Variants in KRT83 observed in about 807,000 individuals in gnomAD.
The protein encoded by KRT83 is keratin 83, also known as keratin, type II cuticular Hb3.
KRT83 carries 51 observed loss-of-function variants against 52.9 expected under a neutral mutation model. The ratio of observed to expected loss-of-function variants is 0.96; its 90% CI spans 0.77 to 1.22. KRT83 has a LOEUF of 1.22. KRT83 is among the 50% of genes most tolerant of loss of function. The pLI, the probability that KRT83 is intolerant of heterozygous loss-of-function variation, is 0.00. For missense variants in KRT83, 654 were observed against 666.5 expected, an observed-to-expected ratio of 0.98 and a Z score of 0.21; for synonymous variants, 278 against 274.1, an observed-to-expected ratio of 1.01 and a Z score of -0.14.
intron 3 of KRT83, 52 bp from the exon 4 acceptor site, chr12:52,317,828 G>A (rs1938710940): frequency 6.2e-7 from 1 of 1,612,530 alleles, no homozygotes; most frequent in Non-Finnish European, 8.5e-7. Flanking sequence ...AGGGCTCTGA[G>A]GACCTGGCTG....
intron 1 of KRT83, among the ~76,000 whole-genome samples, chr12:52,320,382 A>G (rs1017248208): frequency 1.3e-5 from 2 of 152,176 alleles, no homozygotes; most frequent in East Asian, 1.9e-4. Context: ...GATGGTTTCA[A>G]CCAAACCCAG....
chr12:52,320,595 A>C (rs926882721), intron 1 of KRT83, among the ~76,000 whole-genome samples: 1 of 152,200 alleles, frequency 6.6e-6, no homozygotes, highest in Admixed American at 6.5e-5. Flanking sequence ...CACCACACTT[A>C]TTAGCCCTGC....
chr12:52,315,466 G>A lies in KRT83; in HGVS notation c.1263-123C>T, dbSNP rs1938671731. The A allele has an allele frequency of 4.7e-6, 5 of 1,074,648 alleles. No individual in the cohort carries two copies. The East Asian group carries it at 7.2e-5, about 15-fold the overall frequency. 66.6% of individuals were successfully genotyped at this position (1,074,648 alleles called of 1,614,324 possible). On this transcript the variant is annotated intron_variant, in intron 7 of 8. Coordinates refer to ENST00000293670, the MANE Select transcript of KRT83 (RefSeq NM_002282.3). ...TTCTGACCTACATTTATTCCCTTGTGCAGCTTAGAAAAAGTTGCCTTTCTG... is the reference window on the plus strand; with the variant it reads ...TTCTGACCTACATTTATTCCCTTGTACAGCTTAGAAAAAGTTGCCTTTCTG...
At chr12:52,314,863 T>A in intron 8 of KRT83, 45 bp from the exon 9 acceptor site, 1 of 1,519,758 alleles carries the variant, frequency 6.6e-7, no homozygotes, top group African/African-American at 1.4e-5. Context: ...CTGATGGCCA[T>A]CCCATCCAGC....
chr12:52,320,117 G>A (rs1938746921), intron 1 of KRT83, among the ~76,000 whole-genome samples: 1 of 152,194 alleles, frequency 6.6e-6, no homozygotes, highest in Non-Finnish European at 1.5e-5. Flanking sequence ...ACCCTTGGTA[G>A]GTCCTATCTT....
intron 2 of KRT83, among the ~76,000 whole-genome samples, chr12:52,318,424 G>A (rs1938721318): frequency 6.6e-6 from 1 of 151,966 alleles, no homozygotes; most frequent in South Asian, 2.1e-4. Context: ...GGGAGTGGGA[G>A]GTGCTGTTTT....
At chr12:52,315,512 TC>T (rs1480240812) in intron 7 of KRT83, among the ~76,000 whole-genome samples, 169 bp from the exon 8 acceptor site, 3 of 152,246 alleles carry the variant, frequency 2.0e-5, no homozygotes, top group Non-Finnish European at 2.9e-5. Context: ...CAACGTCAGG[TC>T]ACACTATTTA....
At position 52,316,414 on chromosome 12, in the gene KRT83, C is replaced by T. The variant is rs55722266; in HGVS notation, c.1041+54G>A. Reference sequence around the variant, plus strand: ...CAGAATCTAACTCAAATCCCTCTGCCGAGGGCTAACCCCAGTCTCTTCCTA... The same window carrying T: ...CAGAATCTAACTCAAATCCCTCTGCTGAGGGCTAACCCCAGTCTCTTCCTA... On this transcript the variant is annotated intron_variant, in intron 6 of 8. Coordinates refer to ENST00000293670, the MANE Select transcript of KRT83 (RefSeq NM_002282.3). The T allele has an allele frequency of 0.41, 659,262 of 1,610,752 alleles. 137,659 individuals carry two copies. Among genetic ancestry groups the T allele is most frequent in the African/African-American group, 0.49 (36,460 of 74,820 alleles).
At chr12:52,319,086 A>G in intron 2 of KRT83, 70 bp downstream of exon 2, 2 of 1,607,086 alleles carry the variant, frequency 1.2e-6, no homozygotes, top group South Asian at 2.2e-5. Context: ...CAGACTGGAT[A>G]CTCCTCCGGG....
chr12:52,317,047 G>A (rs1938699617), intron 4 of KRT83, 24 bp from the exon 5 acceptor site: 1 of 1,614,068 alleles, frequency 6.2e-7, no homozygotes, highest in Non-Finnish European at 8.5e-7. Context: ...GGAAAGGAAG[G>A]ACAACTCACT....
Position 52,317,591 on chromosome 12 carries a change from G to T in KRT83, c.750+90C>A, listed in dbSNP as rs2277384. The T allele has an allele frequency of 7.8e-5, 109 of 1,399,772 alleles. 3 individuals are homozygous for T. The South Asian group carries it at 1.1e-3, about 15-fold the overall frequency. 86.7% of individuals were successfully genotyped at this position (1,399,772 alleles called of 1,614,324 possible). A position where few individuals can be genotyped will look rare whatever the true frequency, so the allele number is the denominator to read the frequency against. On this transcript the variant is annotated intron_variant, in intron 4 of 8. Coordinates refer to ENST00000293670, the MANE Select transcript of KRT83 (RefSeq NM_002282.3). The stretch of plus-strand genomic sequence containing the variant: ...GCCGTGAGCCTGGGTTCATATGTCA[G>T]CAGGCCTGGTTCATGCCTGTGGGTG...
rs1565753972 is a variant in KRT83 at position 52,314,635 on chromosome 12, TG to T, written c.1477del (p.His493IlefsTer38). On this transcript the variant is annotated frameshift_variant, in exon 9 of 9. Transcript: ENST00000293670. LOFTEE classifies it high-confidence loss of function. Reference protein sequence around the residue: ...CGGGSCGQGRH With the variant: ...CGGGSCGQGRX ...CCTGGCTCTCTTTTGGGCCACTTAATGCCTCCCCTGGCCGCAGGAGCCCCCT... is the reference window on the plus strand; with the variant it reads ...CCTGGCTCTCTTTTGGGCCACTTAATCCTCCCCTGGCCGCAGGAGCCCCCT... 1.3e-6 allele frequency: 2 copies of T among 1,563,860 alleles called. No individual in the cohort carries two copies. Among genetic ancestry groups the T allele is most frequent in the Non-Finnish European group, 1.7e-6 (2 of 1,154,226 alleles).
rs1368735575 is a variant in KRT83, at chr12:52,316,512, T to G, written c.997A>C (p.Met333Leu). ...TKEEINELNR[M>L]IQRLTAEVEN... is the part of the protein sequence containing the mutation. Reference sequence around the variant, plus strand: ...ACCTCGGCTGTCAGCCTCTGGATCATGCGGTTCAGCTCGTTGATCTCCTCC... The same window carrying G: ...ACCTCGGCTGTCAGCCTCTGGATCAGGCGGTTCAGCTCGTTGATCTCCTCC... The change falls in exon 6 of 9, where the codon ATG becomes CTG. Residue 333 changes from methionine (M) to leucine (L), a missense_variant. Transcript: ENST00000293670. 2 of 1,614,074 alleles carry G rather than the reference T, an allele frequency of 1.2e-6. No individual in the cohort carries two copies. Among genetic ancestry groups the G allele is most frequent in the Non-Finnish European group, 1.7e-6 (2 of 1,180,042 alleles).
chr12:52,314,689 G>T lies in KRT83; in HGVS notation c.1424C>A (p.Pro475His). 6.3e-7 allele frequency: 1 copy of T among 1,583,796 alleles called. No individual in the cohort carries two copies. Among genetic ancestry groups the T allele is most frequent in the Non-Finnish European group, 8.6e-7 (1 of 1,165,064 alleles). The change falls in exon 9 of 9, where the codon CCC (proline) becomes CAC (histidine). Residue 475 changes from proline (P) to histidine (H), a missense_variant. Physicochemically the swap from Pro to His is moderately conservative, Grantham distance 77. Coordinates refer to ENST00000293670, the MANE Select transcript of KRT83 (RefSeq NM_002282.3). Reference sequence around the variant, plus strand: ...ACAGGTGGTGTTCAGCTGGCCACAGGGCTTGCACAAACCAGTGCTCACCAC... The same window carrying T: ...ACAGGTGGTGTTCAGCTGGCCACAGTGCTTGCACAAACCAGTGCTCACCAC... ...NLVVSTGLCKPCGQLNTTCGG... is the reference protein window; with the variant it reads ...NLVVSTGLCKHCGQLNTTCGG...
Position 52,314,733 on chromosome 12 carries a change from G to C in KRT83, c.1380C>G (p.Ala460=), listed in dbSNP as rs145323146. The C allele has an allele frequency of 6.3e-7, 1 of 1,594,028 alleles. No homozygotes were observed. Residue 460 remains alanine (A), a synonymous_variant, in exon 9 of 9, where the codon GCC becomes GCG. Transcript: ENST00000293670. ...SRPVTGSVCS[A]PCNGNLVVST... ...TCACCACCAGGTTCCCGTTGCAGGG[G>C]GCACTGCAGACGCTGCCCGTCACCG...
intron 7 of KRT83, 137 bp downstream of exon 7, chr12:52,315,756 G>A: frequency 7.9e-7 from 1 of 1,271,836 alleles, no homozygotes; most frequent in Non-Finnish European, 1.1e-6. Context: ...GAAGAGTTGA[G>A]AATGAGACAA....
At chr12:52,316,707 A>C in intron 5 of KRT83, 114 bp from the exon 6 acceptor site, 1 of 1,594,392 alleles carries the variant, frequency 6.3e-7, no homozygotes, top group South Asian at 1.1e-5. Flanking sequence ...CACACGTGGC[A>C]GTCCTGCCCT....
At chr12:52,317,094 C>T in intron 4 of KRT83, 71 bp from the exon 5 acceptor site, 2 of 1,602,132 alleles carry the variant, frequency 1.2e-6, no homozygotes, top group Non-Finnish European at 1.7e-6. Context: ...TGCCTATCAT[C>T]CTTTTGGCTC....
rs143467763 is a variant in KRT83, at chr12:52,316,492, G to A, written c.1017C>T (p.Ala339=). The change falls in exon 6 of 9, where the codon GCC becomes GCT. Residue 339 remains alanine, a synonymous_variant. Coordinates refer to ENST00000293670, the MANE Select transcript of KRT83 (RefSeq NM_002282.3). The stretch of plus-strand genomic sequence containing the variant: ...CCTGGCACTTGGCATTCTCCACCTC[G>A]GCTGTCAGCCTCTGGATCATGCGGT... ...ELNRMIQRLT[A]EVENAKCQNS... is the part of the protein sequence containing the mutation. 8.0e-4 allele frequency: 1,286 copies of A among 1,614,098 alleles called. 7 individuals are homozygous for A. Among genetic ancestry groups the A allele is most frequent in the Middle Eastern group, 7.4e-3 (45 of 6,060 alleles).
Sources: allele counts gnomAD v4.1 joint callset (sites outside exome capture counted in the v4.1 genomes callset), GRCh38; gene constraint gnomAD v4.1.1; transcripts MANE v1.5; gene names NCBI Gene and HGNC (gene_info 2026-07-23, HGNC 2026-07-21).